Variants in BNIP3L observed in about 807,000 individuals in gnomAD.
BNIP3L encodes BCL2/adenovirus E1B 19 kDa protein-interacting protein 3-like.
A neutral mutation model predicts 25.5 loss-of-function variants in BNIP3L; 10 were observed. The ratio of observed to expected loss-of-function variants is 0.39; its 90% confidence interval spans 0.24 to 0.67. The LOEUF is 0.67. BNIP3L is among the 30% of genes least tolerant of loss of function. The pLI is 0.45. For missense variants in BNIP3L, 215 were observed against 270.9 expected (o/e 0.79, Z 1.45); for synonymous variants, 113 against 101.2 (o/e 1.12, Z -0.70).
At chr8:26,387,852 A>G (rs767656120) in intron 1 of BNIP3L, among the ~76,000 whole-genome samples, 2 of 152,238 alleles carry the variant, frequency 1.3e-5, no homozygotes, top group Non-Finnish European at 2.9e-5. Flanking sequence ...AAAGTATTAG[A>G]AACAACCATC....
intron 5 of BNIP3L, 112 bp from the exon 6 acceptor site, chr8:26,410,252 C>T: frequency 1.6e-6 from 2 of 1,269,978 alleles, no homozygotes; most frequent in Non-Finnish European, 2.2e-6. Context: ...TACCCACAAA[C>T]CTTTAGAGCC....
At chr8:26,394,671 C>G (rs1012952683) in intron 2 of BNIP3L, among the ~76,000 whole-genome samples, 1 of 152,206 alleles carries the variant, frequency 6.6e-6, no homozygotes, top group African/African-American at 2.4e-5. Flanking sequence ...TGCATTCTAA[C>G]TGTTGTGCTA....
intron 1 of BNIP3L, among the ~76,000 whole-genome samples, chr8:26,384,033 G>A (rs983211241): frequency 6.6e-6 from 1 of 152,174 alleles, no homozygotes; most frequent in African/African-American, 2.4e-5. Flanking sequence ...CACTCGGGCA[G>A]TTGAAAGTTA....
chr8:26,393,968 C>T (rs1806171783), intron 2 of BNIP3L, among the ~76,000 whole-genome samples: 1 of 152,180 alleles, frequency 6.6e-6, no homozygotes, highest in Non-Finnish European at 1.5e-5. Flanking sequence ...GAGTCAGTCT[C>T]ACCAACGTCT....
chr8:26,403,877 T>C (rs1368249713), intron 3 of BNIP3L, among the ~76,000 whole-genome samples: 3 of 152,168 alleles, frequency 2.0e-5, no homozygotes, highest in African/African-American at 7.2e-5. Flanking sequence ...AGCAATGATA[T>C]TATCCCCATG....
chr8:26,394,919 T>G (rs1248571670), intron 2 of BNIP3L, among the ~76,000 whole-genome samples: 3 of 152,230 alleles, frequency 2.0e-5, no homozygotes, highest in African/African-American at 7.2e-5. Flanking sequence ...TTACCTTTAG[T>G]GGACAAAAGA....
At chr8:26,405,547 T>A (rs1806479489) in intron 3 of BNIP3L, among the ~76,000 whole-genome samples, 3 of 152,188 alleles carry the variant, frequency 2.0e-5, no homozygotes, top group Admixed American at 2.0e-4. Flanking sequence ...TGAAGCTCCT[T>A]CCTGGGGTAG....
At chr8:26,395,195 A>G (rs1245254546) in intron 2 of BNIP3L, 35 bp from the exon 3 acceptor site, 1 of 1,604,378 alleles carries the variant, frequency 6.2e-7, no homozygotes, top group Non-Finnish European at 8.5e-7. Flanking sequence ...ACAAAGTGAG[A>G]ATTAAAACTA....
intron 3 of BNIP3L, among the ~76,000 whole-genome samples, chr8:26,399,858 G>A (rs1235098600): frequency 9.4e-6 from 1 of 106,508 alleles, no homozygotes; most frequent in Non-Finnish European, 1.9e-5. Flanking sequence ...AACTTACAAG[G>A]GATGTGAAGG....
Position 26,402,743 on chromosome 8 carries a change from C to T in BNIP3L, c.358-5257C>T, listed in dbSNP as rs1563342008. 2.6e-5 allele frequency among the ~76,000 whole-genome samples: 4 copies of T among 152,180 alleles called. No individual in the cohort carries two copies. The South Asian group carries it at 8.3e-4, about 32-fold the overall frequency. On this transcript the variant is annotated intron_variant, in intron 3 of 5. Coordinates refer to ENST00000380629, the MANE Select transcript of BNIP3L (RefSeq NM_004331.3). ...AAGTTTTTGAGTCCAGCCTGGGCAA[C>T]ATAGCAAGACTCTCTGTCTCTAAAA...
In BNIP3L at chr8:26,391,226, T is replaced by A; in HGVS notation, c.101-17T>A. 6.4e-7 allele frequency: 1 copy of A among 1,563,762 alleles called. No homozygotes were observed. The highest frequency in any genetic ancestry group is 2.3e-5 in the East Asian group (1 of 42,802). ...TTTCAGTTCTGCTGTGGTTAACTTA[T>A]CTGACTTGTCCAACAGGTTCCTGGG... On this transcript the variant is annotated splice_polypyrimidine_tract_variant and intron_variant, in intron 1 of 5. Transcript: ENST00000380629.
chr8:26,398,869 A>G (rs1454479944), intron 3 of BNIP3L, among the ~76,000 whole-genome samples: 1 of 151,626 alleles, frequency 6.6e-6, no homozygotes, highest in African/African-American at 2.4e-5. Context: ...TAAACCAGGA[A>G]GAAGTTGAAT....
chr8:26,395,425 G>A, intron 3 of BNIP3L, 123 bp downstream of exon 3: 3 of 1,082,986 alleles, frequency 2.8e-6, no homozygotes, highest in Non-Finnish European at 4.0e-6. Context: ...TTGAGTTTCT[G>A]ATTTTGGAAT....
At position 26,412,504 on chromosome 8, in the gene BNIP3L, C is replaced by T. The variant is rs1255585054; in HGVS notation, c.*2092C>T. 2.6e-5 allele frequency: 4 copies of T among 152,062 alleles called. No individual in the cohort carries two copies. Among genetic ancestry groups the T allele is most frequent in the African/African-American group, 4.8e-5 (2 of 41,390 alleles). 9.4% of individuals were successfully genotyped at this position (152,062 alleles called of 1,614,324 possible). Reference sequence around the variant, plus strand: ...TGGGTATATTTATGATTTCTTTCAGCGTTAAAAAGAAACATAGTGTTGCCC... The same window carrying T: ...TGGGTATATTTATGATTTCTTTCAGTGTTAAAAAGAAACATAGTGTTGCCC... On this transcript the variant is annotated 3_prime_UTR_variant, in exon 6 of 6. Coordinates refer to ENST00000380629, the MANE Select transcript of BNIP3L (RefSeq NM_004331.3).
At chr8:26,403,275 T>C (rs1411344226) in intron 3 of BNIP3L, among the ~76,000 whole-genome samples, 1 of 152,148 alleles carries the variant, frequency 6.6e-6, no homozygotes, top group African/African-American at 2.4e-5. Flanking sequence ...CCTTTGACAT[T>C]GCCTTTTTTT....
intron 1 of BNIP3L, 192 bp downstream of exon 1, chr8:26,383,422 G>T: frequency 7.1e-7 from 1 of 1,416,370 alleles, no homozygotes; most frequent in Non-Finnish European, 9.2e-7. Flanking sequence ...CCTCTCTGTT[G>T]CCTCCTGGGG....
chr8:26,402,145 T>C (rs1165938201), intron 3 of BNIP3L, among the ~76,000 whole-genome samples: 1 of 152,226 alleles, frequency 6.6e-6, no homozygotes, highest in Admixed American at 6.5e-5. Context: ...ACAGAATTCC[T>C]CTATACTTTA....
At chr8:26,390,572 A>G (rs1806083285) in intron 1 of BNIP3L, 1 of 979,172 alleles carries the variant, frequency 1.0e-6, no homozygotes, top group East Asian at 1.1e-4. Flanking sequence ...ATACAAAGGA[A>G]ATGAAGAAAC....
At position 26,383,159 on chromosome 8, in the gene BNIP3L, C is replaced by T; in HGVS notation, c.29C>T (p.Pro10Leu). 3 of 1,612,324 alleles carry T rather than the reference C, an allele frequency of 1.9e-6. No homozygotes were observed. In the South Asian group the frequency reaches 3.3e-5, roughly 18 times the overall value. Residue 10 changes from proline (P) to leucine (L), a missense_variant, in exon 1 of 6, where the codon CCG becomes CTG. Physicochemically the swap from Pro to Leu is moderately conservative, Grantham distance 98 (BLOSUM62 -3). Transcript: ENST00000380629. ...TCGTCCCACCTAGTCGAGCCGCCGCCGCCCCTGCACAACAACAACAACAAC... is the reference window on the plus strand; with the variant it reads ...TCGTCCCACCTAGTCGAGCCGCCGCTGCCCCTGCACAACAACAACAACAAC... Reference protein sequence around the residue: MSSHLVEPPPPLHNNNNNCE... With the variant: MSSHLVEPPLPLHNNNNNCE...
Sources: allele counts gnomAD v4.1 joint callset (sites outside exome capture counted in the v4.1 genomes callset), GRCh38; gene constraint gnomAD v4.1.1; transcripts MANE v1.5; gene names NCBI Gene and HGNC (gene_info 2026-07-23, HGNC 2026-07-21).